PARP15: variants seen among roughly 807,000 people sequenced by gnomAD.
PARP15 encodes the protein poly(ADP-ribose) polymerase family member 15.
In PARP15, 50 loss-of-function variants were observed where a neutral mutation model predicts 62.1. The ratio of observed to expected loss-of-function variants is 0.81; its 90% confidence interval spans 0.64 to 1.02. PARP15 has a LOEUF of 1.02. Among genes scored for constraint, PARP15 ranks in the 50% least tolerant of loss-of-function variants. The probability of loss-of-function intolerance (pLI) is 0.00; values close to 1 mark genes in which losing one functional copy is unlikely to be tolerated. For missense variants in PARP15, 820 were observed against 826.5 expected (o/e 0.99, Z 0.10); for synonymous variants, 309 against 293.1 (o/e 1.05, Z -0.55).
rs1240108422 is a variant in PARP15, at chr3:122,615,290, C to G, written c.772-489C>G. The G allele has an allele frequency of 3.1e-6, 4 of 1,289,570 alleles. No homozygotes were observed. The South Asian group carries it at 4.9e-5, about 16-fold the overall frequency. 79.9% of individuals were successfully genotyped at this position (1,289,570 alleles called of 1,614,324 possible). On this transcript the variant is annotated intron_variant, in intron 4 of 11. Coordinates refer to ENST00000464300, the MANE Select transcript of PARP15 (RefSeq NM_001113523.3). The stretch of plus-strand genomic sequence containing the variant: ...GATTTTCGTGTTTTCATTCAGGAGG[C>G]TTTGGCTGGACCTAAGAGATGAAGC...
chr3:122,584,825 G>T (rs373571175), intron 1 of PARP15, among the ~76,000 whole-genome samples: 1 of 152,022 alleles, frequency 6.6e-6, no homozygotes, highest in South Asian at 2.1e-4. Context: ...TGATCCACCC[G>T]CCGTGGCCTC....
At chr3:122,634,831 C>T (rs1184285805) in intron 10 of PARP15, among the ~76,000 whole-genome samples, 189 bp from the exon 11 acceptor site, 1 of 152,228 alleles carries the variant, frequency 6.6e-6, no homozygotes, top group African/African-American at 2.4e-5. Context: ...TTTAGCCCAT[C>T]TTTCTCTAAA....
chr3:122,618,993 T>A (rs994975522), intron 6 of PARP15, among the ~76,000 whole-genome samples: 3 of 152,212 alleles, frequency 2.0e-5, no homozygotes, highest in Non-Finnish European at 2.9e-5. Flanking sequence ...GAGATTTTTT[T>A]AAAAAGAGAC....
rs1376958968 is a variant in PARP15, at chr3:122,577,666, G to A, written c.-2G>A. ...CGCAACTGCAGTCCCAGCGAGCTGA[G>A]GATGGCTGCGCCAGGCCCCCTTCCT... is the stretch of plus-strand genomic sequence containing the variant. On this transcript the variant is annotated 5_prime_UTR_variant, in exon 1 of 12. Coordinates refer to ENST00000464300, the MANE Select transcript of PARP15 (RefSeq NM_001113523.3). 1.9e-6 allele frequency: 3 copies of A among 1,551,626 alleles called. No individual in the cohort carries two copies. Among genetic ancestry groups the A allele is most frequent in the Non-Finnish European group, 2.6e-6 (3 of 1,146,960 alleles).
At chr3:122,619,419 T>G (rs1936193436) in intron 6 of PARP15, among the ~76,000 whole-genome samples, 1 of 152,182 alleles carries the variant, frequency 6.6e-6, no homozygotes, top group African/African-American at 2.4e-5. Flanking sequence ...TTTATTACAG[T>G]TTTGAGATCC....
At chr3:122,600,429 A>G (rs1328060469) in intron 1 of PARP15, among the ~76,000 whole-genome samples, 2 of 152,156 alleles carry the variant, frequency 1.3e-5, no homozygotes, top group East Asian at 1.9e-4. Flanking sequence ...ATGTTTTACT[A>G]TAGCTGTACA....
At chr3:122,604,957 A>G (rs900239878) in intron 1 of PARP15, among the ~76,000 whole-genome samples, 1 of 152,198 alleles carries the variant, frequency 6.6e-6, no homozygotes, top group Non-Finnish European at 1.5e-5. Context: ...AATCACTTGA[A>G]TCCGGGAGGC....
intron 9 of PARP15, among the ~76,000 whole-genome samples, chr3:122,629,531 A>G (rs1306484984): frequency 6.6e-6 from 1 of 152,176 alleles, no homozygotes; most frequent in Non-Finnish European, 1.5e-5. Flanking sequence ...GTGGTCCCCA[A>G]ACTTTTTGGG....
At chr3:122,597,288 G>A (rs995260054) in intron 1 of PARP15, among the ~76,000 whole-genome samples, 1 of 151,902 alleles carries the variant, frequency 6.6e-6, no homozygotes, top group Middle Eastern at 3.2e-3. Context: ...ATACCACAAT[G>A]GAAATTAGGT....
chr3:122,610,234 A>G (rs772651060), intron 2 of PARP15, among the ~76,000 whole-genome samples: 1 of 151,920 alleles, frequency 6.6e-6, no homozygotes, highest in Non-Finnish European at 1.5e-5. Context: ...ACTCATTTTC[A>G]TAGCTCTACT....
At chr3:122,631,474 A>G (rs1937057221) in intron 9 of PARP15, among the ~76,000 whole-genome samples, 2 of 152,202 alleles carry the variant, frequency 1.3e-5, no homozygotes, top group African/African-American at 2.4e-5. Context: ...GGGTGTCCGT[A>G]TTCACACTAG....
intron 1 of PARP15, among the ~76,000 whole-genome samples, chr3:122,587,397 T>A (rs1187319900): frequency 6.6e-6 from 1 of 152,224 alleles, no homozygotes; most frequent in Non-Finnish European, 1.5e-5. Context: ...AGCTGTACCA[T>A]TTTGCATTCC....
At position 122,584,960 on chromosome 3, in the gene PARP15, G is replaced by A. The variant is rs1182390858; in HGVS notation, c.186+7107G>A. On this transcript the variant is annotated intron_variant, in intron 1 of 11. Coordinates refer to ENST00000464300, the MANE Select transcript of PARP15 (RefSeq NM_001113523.3). ...TTTCAGTATTTTTGGAAATAATCAT[G>A]TTGGTTTTTTTCCTTAAACCTATTA... Among the ~76,000 whole-genome samples, 5 of 152,256 alleles carry A rather than the reference G, an allele frequency of 3.3e-5. No homozygotes were observed. The South Asian group carries it at 8.3e-4, about 25-fold the overall frequency.
intron 9 of PARP15, among the ~76,000 whole-genome samples, chr3:122,627,410 C>T (rs1409700480): frequency 6.6e-6 from 1 of 152,176 alleles, no homozygotes; most frequent in Non-Finnish European, 1.5e-5. Context: ...AATCATCCCC[C>T]TATAGACATG....
At position 122,577,800 on chromosome 3, in the gene PARP15, G is replaced by A. The variant is rs7632426; in HGVS notation, c.133G>A (p.Ala45Thr). The change falls in exon 1 of 12, where the codon GCC (alanine) becomes ACC (threonine). Residue 45 changes from alanine to threonine, a missense_variant. Transcript: ENST00000464300. The stretch of plus-strand genomic sequence containing the variant: ...TCGGGAGGCGGGGAGCGTGCTGCCG[G>A]CCGGGAACCGTGGGGCGCGGAAGGC... ...RDREAGSVLP[A>T]GNRGARKASR... 0.12 allele frequency: 179,148 copies of A among 1,550,892 alleles called. 11,320 individuals are homozygous for A. The highest frequency in any genetic ancestry group is 0.22 in the East Asian group (9,019 of 40,862).
intron 2 of PARP15, among the ~76,000 whole-genome samples, chr3:122,608,213 C>CTTTTTTTTTT (rs71136576): frequency 1.2e-4 from 14 of 113,910 alleles, no homozygotes; most frequent in South Asian, 2.8e-4. Flanking sequence ...TTTCTCTTTT[C>CTTTTTTTTTT]TTTTTTTTTT....
At chr3:122,608,003 T>C (rs1935270305) in intron 2 of PARP15, among the ~76,000 whole-genome samples, 1 of 152,160 alleles carries the variant, frequency 6.6e-6, no homozygotes, top group Non-Finnish European at 1.5e-5. Context: ...AACATTATTT[T>C]AGCAGGTACT....
At chr3:122,594,059 A>G (rs576258341) in intron 1 of PARP15, among the ~76,000 whole-genome samples, 1 of 152,320 alleles carries the variant, frequency 6.6e-6, no homozygotes, top group African/African-American at 2.4e-5. Context: ...AGAGGATTGA[A>G]TGACATATTC....
intron 2 of PARP15, 115 bp from the exon 3 acceptor site, chr3:122,610,374 CATGTT>C: frequency 1.1e-6 from 1 of 885,370 alleles, no homozygotes. Context: ...GTGGGGCTGA[CATGTT>C]AGTATGACAG....
Sources: allele counts gnomAD v4.1 joint callset (sites outside exome capture counted in the v4.1 genomes callset), GRCh38; gene constraint gnomAD v4.1.1; transcripts MANE v1.5; gene names NCBI Gene and HGNC (gene_info 2026-07-23, HGNC 2026-07-21).